Variants in ALDH4A1 observed in about 807,000 individuals in gnomAD.
ALDH4A1 encodes the protein aldehyde dehydrogenase 4 family member A1, also known as delta-1-pyrroline-5-carboxylate dehydrogenase, mitochondrial.
ALDH4A1 carries 46 observed loss-of-function variants against 70.5 expected under a neutral mutation model. The observed-to-expected ratio is 0.65, with a 90% CI of 0.51 to 0.83. The LOEUF is 0.83. Ranked by LOEUF, ALDH4A1 falls within the 40% of genes least tolerant of loss-of-function variation. ALDH4A1 has a pLI of 0.00. For synonymous variants in ALDH4A1, 323 were observed against 324.3 expected (o/e 1.00, Z 0.04); for missense variants, 749 against 766.5 (o/e 0.98, Z 0.27).
At chr1:18,885,721 C>G in intron 4 of ALDH4A1, 93 bp from the exon 5 acceptor site, 1 of 1,552,288 alleles carries the variant, frequency 6.4e-7, no homozygotes, top group Non-Finnish European at 8.8e-7. Context: ...AGGCCACTCT[C>G]TTCCATCCGG....
chr1:18,885,433 C>CCCCCCCCCCCCCCCCCCCCCCCGG, intron 5 of ALDH4A1, 40 bp downstream of exon 5: 1 of 587,220 alleles, frequency 1.7e-6, no homozygotes. Context: ...TGACTCCCAC[C>CCCCCCCCCCCCCCCCCCCCCCCGG]CCACCCCGCC....
chr1:18,899,031 T>C (rs1935714997), intron 1 of ALDH4A1, among the ~76,000 whole-genome samples: 1 of 152,208 alleles, frequency 6.6e-6, no homozygotes, highest in South Asian at 2.1e-4. Context: ...ATCATCCCCA[T>C]TTTGCAGACG....
At chr1:18,881,310 C>G (rs1404723959) in intron 8 of ALDH4A1, among the ~76,000 whole-genome samples, 1 of 152,184 alleles carries the variant, frequency 6.6e-6, no homozygotes, top group Non-Finnish European at 1.5e-5. Context: ...TGGCCAACTC[C>G]TCTGCTTAGA....
At chr1:18,875,648 T>C (rs6695228) in intron 12 of ALDH4A1, 145 bp from the exon 13 acceptor site, 33,752 of 1,318,724 alleles carry the variant, frequency 0.026, 1,166 homozygotes, top group African/African-American at 0.16. Context: ...GGGTCAGGTG[T>C]CGCCTCCTCC....
chr1:18,901,623 T>C (rs1935801759), intron 1 of ALDH4A1, among the ~76,000 whole-genome samples: 2 of 152,142 alleles, frequency 1.3e-5, no homozygotes, highest in African/African-American at 2.4e-5. Flanking sequence ...AAATCGGGAT[T>C]TGAAGGGCAG....
rs776547127 is a variant in ALDH4A1, at chr1:18,883,161, G to A, written c.641C>T (p.Ala214Val). Residue 214 changes from alanine to valine, a missense_variant, in exon 7 of 15, where the codon GCA becomes GTA. Physicochemically the swap from Ala to Val is moderately conservative, Grantham distance 64. Coordinates refer to ENST00000375341, the MANE Select transcript of ALDH4A1 (RefSeq NM_003748.4). ...TGCCCCCGCCAGGTTGCCGCCGATT[G>A]CAGTGAAGTTAAAGGGCGAGATGGC... ...VAAISPFNFT[A>V]IGGNLAGAPA... is the part of the protein sequence containing the mutation. 3 of 1,613,200 alleles carry A rather than the reference G, an allele frequency of 1.9e-6. No homozygotes were observed. The highest frequency in any genetic ancestry group is 1.1e-5 in the South Asian group (1 of 91,088).
chr1:18,890,853 C>T lies in ALDH4A1; in HGVS notation c.63-748G>A, dbSNP rs912275974. The T allele has an allele frequency of 6.1e-6, 6 of 985,402 alleles. No homozygotes were observed. The African/African-American group carries it at 8.7e-5, about 14-fold the overall frequency. 61.0% of individuals were successfully genotyped at this position (985,402 alleles called of 1,614,324 possible). ...TGAAAGGGCAGCACATTCCAGAACA[C>T]AGTCTCAGAATGTGAACCAGCTGAG... On this transcript the variant is annotated intron_variant, in intron 1 of 14. Transcript: ENST00000375341.
At position 18,881,721 on chromosome 1, in the gene ALDH4A1, A is replaced by G. The variant is rs746978700; in HGVS notation, c.845T>C (p.Ile282Thr). 6.2e-7 allele frequency: 1 copy of G among 1,614,098 alleles called. No homozygotes were observed. The highest frequency in any genetic ancestry group is 1.1e-5 in the South Asian group (1 of 91,080). Residue 282 changes from isoleucine to threonine, a missense_variant, in exon 8 of 15, where the codon ATC becomes ACC. Transcript: ENST00000375341. Reference sequence around the variant, plus strand: ...TTACGGCACACTGCCTGTGAAGTTGATGCCACAGAGGTGCTCTGAGCTGGT... The same window carrying G: ...TTACGGCACACTGCCTGTGAAGTTGGTGCCACAGAGGTGCTCTGAGCTGGT... Reference protein sequence around the residue: ...TVTSSEHLCGINFTGSVPTFK... With the variant: ...TVTSSEHLCGTNFTGSVPTFK...
At chr1:18,877,711 A>C in intron 9 of ALDH4A1, 99 bp from the exon 10 acceptor site, 2 of 1,416,208 alleles carry the variant, frequency 1.4e-6, no homozygotes, top group Non-Finnish European at 1.9e-6. Context: ...CCCGGGACCA[A>C]CACGAGCACG....
chr1:18,876,185 C>T, intron 12 of ALDH4A1, 130 bp downstream of exon 12: 1 of 1,248,908 alleles, frequency 8.0e-7, no homozygotes, highest in East Asian at 2.4e-5. Flanking sequence ...CGGTCGGAGG[C>T]ATTCCCTTTT....
intron 7 of ALDH4A1, chr1:18,882,633 T>C: frequency 1.9e-6 from 1 of 539,040 alleles, no homozygotes. Context: ...CTCAGTTTTG[T>C]CATCTGGCAA....
rs113390109 is a variant in ALDH4A1, at chr1:18,880,251, G to A, written c.867-878C>T. On this transcript the variant is annotated intron_variant, in intron 8 of 14. Coordinates refer to ENST00000375341, the MANE Select transcript of ALDH4A1 (RefSeq NM_003748.4). The surrounding 1 kb of genome is among the most constrained non-coding windows in gnomAD (Gnocchi z 5.1). ...AAGAAGGACCCTGAGCTGCAGACCC[G>A]GGCGTCTGGCTGCCTCCAGGCATCT... Among the ~76,000 whole-genome samples, 67 of 842 alleles carry A rather than the reference G, an allele frequency of 0.08. No individual in the cohort carries two copies. The highest frequency in any genetic ancestry group is 0.29 in the Admixed American group (4 of 14). 0.6% of individuals were successfully genotyped at this position (842 alleles called of 152,430 possible). A position where few individuals can be genotyped will look rare whatever the true frequency, so the allele number is the denominator to read the frequency against.
At chr1:18,890,849 AAC>A (rs1229683232) in intron 1 of ALDH4A1, 2 of 985,384 alleles carry the variant, frequency 2.0e-6, no homozygotes, top group Non-Finnish European at 2.4e-6. Context: ...CACATTCCAG[AAC>A]ACAGTCTCAG....
At chr1:18,890,680 C>A in intron 1 of ALDH4A1, 1 of 985,510 alleles carries the variant, frequency 1.0e-6, no homozygotes, top group Non-Finnish European at 1.2e-6. Flanking sequence ...TAAGAATAAT[C>A]GCACCGAACT....
In ALDH4A1 at chr1:18,871,797, G is replaced by C. The variant is rs1478533127; in HGVS notation, c.*1048C>G. ...GAATCCAAGCAGGAGGCATCTGTGG[G>C]AGGAATCGTGGTCACAGATTGGCTG... On this transcript the variant is annotated 3_prime_UTR_variant, in exon 15 of 15. Transcript: ENST00000375341. The C allele has an allele frequency of 6.6e-6, 1 of 152,294 alleles. No individual in the cohort carries two copies. The highest frequency in any genetic ancestry group is 1.5e-5 in the Non-Finnish European group (1 of 68,074). The allele number at this position is 152,294 out of a possible 1,614,324, so 9.4% of individuals were successfully genotyped here.
intron 4 of ALDH4A1, among the ~76,000 whole-genome samples, chr1:18,885,964 C>G (rs530288430): frequency 6.6e-6 from 1 of 152,314 alleles, no homozygotes. Flanking sequence ...CCTTAACCCA[C>G]CATCCAGAAA....
intron 3 of ALDH4A1, among the ~76,000 whole-genome samples, chr1:18,888,865 G>A (rs1161501761): frequency 6.6e-6 from 1 of 152,208 alleles, no homozygotes; most frequent in Non-Finnish European, 1.5e-5. Context: ...TCTGCCCAGG[G>A]TTTCAGCCGG....
chr1:18,877,657 C>T (rs1331425129), intron 9 of ALDH4A1, 45 bp from the exon 10 acceptor site: 1 of 1,394,794 alleles, frequency 7.2e-7, no homozygotes, highest in Non-Finnish European at 1.0e-6. Context: ...AGCTGGCTCC[C>T]CCGGTTGCCC....
At chr1:18,885,197 A>G in intron 5 of ALDH4A1, 2 of 506,800 alleles carry the variant, frequency 3.9e-6, no homozygotes, top group Non-Finnish European at 7.2e-6. Flanking sequence ...CCACCAGTCC[A>G]GGCAAAGCAT....
Sources: gnomAD v4.1 joint callset for allele counts (sites outside exome capture counted in the v4.1 genomes callset) on GRCh38, gnomAD v4.1.1 for gene constraint, Gnocchi (gnomAD v3.1) non-coding constraint, MANE v1.5 for transcripts, NCBI Gene and HGNC (gene_info 2026-07-23, HGNC 2026-07-21) for gene names.